PSMA8: variants seen among roughly 807,000 people sequenced by gnomAD.
PSMA8 encodes proteasome subunit alpha-type 8.
PSMA8 carries 18 observed loss-of-function variants against 32.4 expected under a neutral mutation model. The ratio of observed to expected loss-of-function variants is 0.56; its 90% CI spans 0.38 to 0.82. PSMA8 has a LOEUF of 0.82. Ranked by LOEUF, PSMA8 falls within the 40% of genes least tolerant of loss-of-function variation. The probability of loss-of-function intolerance (pLI) is 0.00; values close to 1 mark genes in which losing one functional copy is unlikely to be tolerated. For synonymous variants in PSMA8, 104 were observed against 98.1 expected, an observed-to-expected ratio of 1.06 and a Z score of -0.36; for missense variants, 298 against 300.7, an observed-to-expected ratio of 0.99 and a Z score of 0.07.
intron 2 of PSMA8, among the ~76,000 whole-genome samples, chr18:26,148,015 A>G (rs930725376): frequency 1.3e-5 from 2 of 152,162 alleles, no homozygotes; most frequent in African/African-American, 4.8e-5. Flanking sequence ...ACACAATAAG[A>G]CATTGAATGA....
intron 3 of PSMA8, among the ~76,000 whole-genome samples, chr18:26,153,568 T>C (rs1396908236): frequency 6.6e-6 from 1 of 152,186 alleles, no homozygotes; most frequent in African/African-American, 2.4e-5. Flanking sequence ...TTGTGTCTTA[T>C]AATTAGTGAT....
chr18:26,187,457 A>T (rs938303115), intron 6 of PSMA8, among the ~76,000 whole-genome samples: 7 of 152,156 alleles, frequency 4.6e-5, no homozygotes, highest in African/African-American at 1.7e-4. Flanking sequence ...ATGTAAGTGG[A>T]CTAAACTCTC....
intron 1 of PSMA8, among the ~76,000 whole-genome samples, chr18:26,143,729 C>CT (rs973362142): frequency 1.1e-3 from 159 of 148,928 alleles, no homozygotes; most frequent in African/African-American, 3.0e-3. Flanking sequence ...ATCATACTTT[C>CT]TTTTTTTTTT....
At chr18:26,177,187 C>G (rs563964406) in intron 4 of PSMA8, among the ~76,000 whole-genome samples, 2 of 152,154 alleles carry the variant, frequency 1.3e-5, no homozygotes, top group African/African-American at 4.8e-5. Context: ...AATTCACCAA[C>G]AGCTGATTTT....
chr18:26,162,020 G>A (rs887217240), intron 4 of PSMA8, among the ~76,000 whole-genome samples: 1 of 152,056 alleles, frequency 6.6e-6, no homozygotes, highest in Admixed American at 6.6e-5. Flanking sequence ...TACTGAAGAA[G>A]ATATTTAGAA....
At chr18:26,171,827 G>A (rs933498184) in intron 4 of PSMA8, among the ~76,000 whole-genome samples, 2 of 152,192 alleles carry the variant, frequency 1.3e-5, no homozygotes, top group Non-Finnish European at 2.9e-5. Context: ...GCCTGTTGCT[G>A]TTTCATGGAT....
chr18:26,156,451 G>T (rs2055089600), intron 3 of PSMA8, among the ~76,000 whole-genome samples: 1 of 151,984 alleles, frequency 6.6e-6, no homozygotes, highest in African/African-American at 2.4e-5. Context: ...ATGTGGTATA[G>T]ATACACAATT....
At chr18:26,134,340 G>GTGTGT (rs2054891597) in intron 1 of PSMA8, among the ~76,000 whole-genome samples, 44 of 135,200 alleles carry the variant, frequency 3.3e-4, no homozygotes, top group African/African-American at 1.4e-3. Context: ...TGTGTGTGTG[G>GTGTGT]GTGTGTGTGT....
chr18:26,151,226 C>A (rs950310970), intron 2 of PSMA8, among the ~76,000 whole-genome samples: 9 of 152,164 alleles, frequency 5.9e-5, no homozygotes, highest in African/African-American at 1.9e-4. Flanking sequence ...TTTGTGAGTG[C>A]ACTTTCTTGG....
At chr18:26,148,556 C>T (rs2055021487) in intron 2 of PSMA8, among the ~76,000 whole-genome samples, 1 of 152,144 alleles carries the variant, frequency 6.6e-6, no homozygotes, top group Non-Finnish European at 1.5e-5. Context: ...TCACAGCTGA[C>T]ATCATACTCA....
chr18:26,180,530 A>G (rs1277572627), intron 6 of PSMA8, among the ~76,000 whole-genome samples: 1 of 152,096 alleles, frequency 6.6e-6, no homozygotes, highest in Non-Finnish European at 1.5e-5. Context: ...CACATAAATT[A>G]CAGAGTGCTG....
At chr18:26,170,926 CAG>C in intron 4 of PSMA8, 2 of 1,558,578 alleles carry the variant, frequency 1.3e-6, no homozygotes, top group South Asian at 2.2e-5. Context: ...TCCTTATAAA[CAG>C]AACTGCCACC....
chr18:26,158,545 G>A (rs556238827), intron 4 of PSMA8, among the ~76,000 whole-genome samples: 11 of 152,156 alleles, frequency 7.2e-5, no homozygotes, highest in Non-Finnish European at 1.2e-4. Flanking sequence ...CTATATAGAC[G>A]CTTGCTTCAA....
At chr18:26,144,341 T>G (rs1481817536) in intron 1 of PSMA8, among the ~76,000 whole-genome samples, 3 of 152,210 alleles carry the variant, frequency 2.0e-5, no homozygotes, top group Non-Finnish European at 4.4e-5. Context: ...GGTGGTATTT[T>G]CTTTGCAATT....
intron 4 of PSMA8, among the ~76,000 whole-genome samples, chr18:26,173,330 G>A (rs1212014977): frequency 6.6e-6 from 1 of 152,118 alleles, no homozygotes; most frequent in Non-Finnish European, 1.5e-5. Context: ...CCCAGAGCTT[G>A]CATGATATCT....
At chr18:26,144,711 G>T in intron 2 of PSMA8, 26 bp downstream of exon 2, 1 of 1,610,930 alleles carries the variant, frequency 6.2e-7, no homozygotes, top group South Asian at 1.1e-5. Flanking sequence ...CAATAATGAT[G>T]CATAGTGTCT....
At chr18:26,153,299 T>C (rs1419614105) in intron 3 of PSMA8, among the ~76,000 whole-genome samples, 2 of 152,150 alleles carry the variant, frequency 1.3e-5, no homozygotes, top group Non-Finnish European at 2.9e-5. Flanking sequence ...ATAATACTCT[T>C]TCCCACAGCT....
At chr18:26,162,921 A>G (rs2055146904) in intron 4 of PSMA8, among the ~76,000 whole-genome samples, 1 of 151,988 alleles carries the variant, frequency 6.6e-6, no homozygotes, top group Non-Finnish European at 1.5e-5. Flanking sequence ...GGAATTGAAT[A>G]CCAGAATAAT....
At chr18:26,178,245 T>A (rs183396761) in intron 4 of PSMA8, among the ~76,000 whole-genome samples, 33 of 151,302 alleles carry the variant, frequency 2.2e-4, no homozygotes, top group Non-Finnish European at 7.4e-5. Context: ...AAATAATTTC[T>A]GGTTATCAAG....
Sources: allele counts gnomAD v4.1 joint callset (sites outside exome capture counted in the v4.1 genomes callset), GRCh38; gene constraint gnomAD v4.1.1; transcripts MANE v1.5; gene names NCBI Gene and HGNC (gene_info 2026-07-23, HGNC 2026-07-21).